The following HDAC7 variants were observed in gnomAD, a reference collection of about 807,000 sequenced individuals.
HDAC7 encodes histone deacetylase 7A.
In HDAC7, 26 loss-of-function variants were observed where a neutral mutation model predicts 115.5. The observed-to-expected ratio is 0.23, with a 90% CI of 0.16 to 0.31. The LOEUF is 0.31. Ranked by LOEUF, HDAC7 falls within the 10% of genes least tolerant of loss-of-function variation. The pLI, the probability that HDAC7 is intolerant of heterozygous loss-of-function variation, is 1.00. For missense variants in HDAC7, 1,068 were observed against 1,329.0 expected, an observed-to-expected ratio of 0.80 and a Z score of 3.05; for synonymous variants, 564 against 550.9, an observed-to-expected ratio of 1.02 and a Z score of -0.33.
Position 47,795,448 on chromosome 12 carries a change from G to C in HDAC7, c.1088-68C>G. On this transcript the variant is annotated intron_variant, in intron 10 of 25. Transcript: ENST00000080059. The surrounding 1 kb of genome is among the most constrained non-coding windows in gnomAD (Gnocchi z 4.3). ...AGCAATGGAAGGAAGCGAGGGTATA[G>C]GGTGGGGGGCCAGGGTGCAGCAGGG... The C allele has an allele frequency of 6.3e-6, 9 of 1,420,084 alleles. No individual in the cohort carries two copies. The highest frequency in any genetic ancestry group is 8.7e-6 in the Non-Finnish European group (9 of 1,030,268). The allele number at this position is 1,420,084 out of a possible 1,614,324, so 88.0% of individuals were successfully genotyped here. A position where few individuals can be genotyped will look rare whatever the true frequency, so the allele number is the denominator to read the frequency against.
At chr12:47,805,262 T>G (rs1199575320) in intron 1 of HDAC7, among the ~76,000 whole-genome samples, 3 of 151,666 alleles carry the variant, frequency 2.0e-5, no homozygotes, top group Non-Finnish European at 2.9e-5. Flanking sequence ...TTTTGTTGTT[T>G]TTTTTTTTGT....
Position 47,793,415 on chromosome 12 carries a change from G to C in HDAC7, c.1632C>G (p.Val544=), listed in dbSNP as rs1306168129. ...SAPEPASQAR[V]LSSSETPART... is the part of the protein sequence containing the mutation. ...TGGCAGGGGTCTCTGAGCTGGAGAG[G>C]ACTCGGGCCTGGCTGGCAGGCTCTG... Residue 544 remains valine (V), a synonymous_variant, in exon 13 of 26, where the codon GTC becomes GTG. Transcript: ENST00000080059. This position sits in a 1 kb window ranked among gnomAD's most constrained non-coding sequence, Gnocchi z 4.5. 1.3e-6 allele frequency: 2 copies of C among 1,561,948 alleles called. No individual in the cohort carries two copies. The highest frequency in any genetic ancestry group is 2.4e-5 in the South Asian group (2 of 85,058).
At chr12:47,816,226 C>T (rs752767029) in intron 1 of HDAC7, among the ~76,000 whole-genome samples, 80 of 152,170 alleles carry the variant, frequency 5.3e-4, no homozygotes, top group Non-Finnish European at 7.6e-4. Flanking sequence ...CCCCAGGTGA[C>T]TCTGAAGCAA....
chr12:47,808,803 C>T (rs1462642348), intron 1 of HDAC7, among the ~76,000 whole-genome samples: 1 of 152,164 alleles, frequency 6.6e-6, no homozygotes, highest in African/African-American at 2.4e-5. Flanking sequence ...TTAGGGAATT[C>T]CTGAGCCAGT....
At chr12:47,800,549 C>G (rs1490630982) in intron 2 of HDAC7, among the ~76,000 whole-genome samples, 1 of 152,192 alleles carries the variant, frequency 6.6e-6, no homozygotes, top group Non-Finnish European at 1.5e-5. Flanking sequence ...CTTTGATGCC[C>G]CACCCCTTGT....
In HDAC7 at chr12:47,819,779, T is replaced by C; in HGVS notation, c.7A>G (p.Ser3Gly). 1.3e-6 allele frequency: 1 copy of C among 762,644 alleles called. No homozygotes were observed. The highest frequency in any genetic ancestry group is 1.6e-6 in the Non-Finnish European group (1 of 627,884). The allele number at this position is 762,644 out of a possible 1,614,324, so 47.2% of individuals were successfully genotyped here. Residue 3 changes from serine (S) to glycine (G), a missense_variant, in exon 1 of 26, where the codon AGC becomes GGC. Ser to Gly is a moderately conservative substitution (Grantham distance 56). Around this residue, in one of 6 missense-constraint regions of HDAC7, gnomAD observed 161 missense variants for 158.5 expected, o/e 1.02. Coordinates refer to ENST00000080059, the MANE Select transcript of HDAC7 (RefSeq NM_015401.5). The part of the protein sequence containing the change: MH[S>G]PGADGTQVSP... ...GCCCAGTACTCACCAGCGCCGGGGC[T>C]GTGCATCCAGGGGCCGGGGCCCTCA...
At chr12:47,810,738 T>C (rs1944615792) in intron 1 of HDAC7, among the ~76,000 whole-genome samples, 1 of 151,372 alleles carries the variant, frequency 6.6e-6, no homozygotes, top group African/African-American at 2.4e-5. Flanking sequence ...AAAATGCGGG[T>C]TGCATAACCA....
Position 47,819,380 on chromosome 12 carries a change from GCCGTCCC to G in HDAC7, c.19+380_19+386del, listed in dbSNP as rs563420822. The G allele has an allele frequency of 3.5e-3, 540 of 153,124 alleles. 3 individuals carry two copies. The highest frequency in any genetic ancestry group is 0.013 in the African/African-American group (529 of 41,594). 9.5% of individuals were successfully genotyped at this position (153,124 alleles called of 1,614,324 possible). A position where few individuals can be genotyped will look rare whatever the true frequency, so the allele number is the denominator to read the frequency against. On this transcript the variant is annotated intron_variant, in intron 1 of 25. Coordinates refer to ENST00000080059, the MANE Select transcript of HDAC7 (RefSeq NM_015401.5). ...ACCGCCCCCTCGCCGGGCCACCGCG[GCCGTCCC>G]TCCCTCCCCGGTCCCTCGGCTCGTC...
chr12:47,792,183 A>C (rs1943569165), intron 13 of HDAC7, 179 bp from the exon 14 acceptor site: 1 of 643,408 alleles, frequency 1.6e-6, no homozygotes, highest in Non-Finnish European at 2.6e-6. Context: ...CCAGCCCCTC[A>C]CACCTGTCCA....
intron 1 of HDAC7, among the ~76,000 whole-genome samples, chr12:47,818,771 TC>T (rs1463477395): frequency 6.6e-6 from 1 of 152,144 alleles, no homozygotes; most frequent in Non-Finnish European, 1.5e-5. Flanking sequence ...ACAGCCAGTG[TC>T]CAGATGCAGG....
At chr12:47,814,286 G>C (rs1025670390) in intron 1 of HDAC7, among the ~76,000 whole-genome samples, 1 of 152,182 alleles carries the variant, frequency 6.6e-6, no homozygotes, top group African/African-American at 2.4e-5. Flanking sequence ...TTCCTTTCTG[G>C]TTCTGTCCTC....
Position 47,796,247 on chromosome 12 carries a change from T to C in HDAC7, c.755A>G (p.Asn252Ser), listed in dbSNP as rs138146204. 4.3e-5 allele frequency: 69 copies of C among 1,602,872 alleles called. No individual in the cohort carries two copies. The highest frequency in any genetic ancestry group is 6.8e-5 in the South Asian group (6 of 88,462). The part of the protein sequence containing the change: ...STPASGCSSP[N>S]DSEHGPNPIL... ...GGGATTGGGGCCGTGCTCGCTGTCA[T>C]TGGGGGAGCTGCACCCTGATGCGGG... is the stretch of plus-strand genomic sequence containing the variant. The change falls in exon 8 of 26, where the codon AAT becomes AGT. Residue 252 changes from asparagine (N) to serine (S), a missense_variant. Asn to Ser is a conservative substitution (Grantham distance 46). This residue lies in a region of HDAC7 where 618 missense variants were observed against 701.5 expected (regional missense o/e 0.88). Coordinates refer to ENST00000080059, the MANE Select transcript of HDAC7 (RefSeq NM_015401.5).
In HDAC7 at chr12:47,789,631, G is replaced by T. The variant is rs573168984; in HGVS notation, c.2092-53C>A. 3.3e-4 allele frequency: 516 copies of T among 1,584,934 alleles called. 2 individuals are homozygous for T. In the Middle Eastern group the frequency reaches 4.0e-3, roughly 12 times the overall value. ...CAACAGACAGCTCTGACCCACAGCT[G>T]CATGAACGTACCCCAAGAGTTCCAA... On this transcript the variant is annotated intron_variant, in intron 17 of 25. Transcript: ENST00000080059.
chr12:47,809,536 G>A (rs770612300), intron 1 of HDAC7, among the ~76,000 whole-genome samples: 8 of 151,974 alleles, frequency 5.3e-5, no homozygotes, highest in South Asian at 2.1e-4. Context: ...CATTTTTGGC[G>A]GGGGGAGGGC....
chr12:47,794,452 G>A (rs1943695900), intron 12 of HDAC7, among the ~76,000 whole-genome samples: 1 of 152,230 alleles, frequency 6.6e-6, no homozygotes, highest in Non-Finnish European at 1.5e-5. Flanking sequence ...TCTGGATAGA[G>A]GGGAGACATA....
chr12:47,793,822 C>T lies in HDAC7; in HGVS notation c.1459-234G>A, dbSNP rs1177458509. Among the ~76,000 whole-genome samples the T allele has an allele frequency of 6.6e-6, 1 of 152,192 alleles. No individual in the cohort carries two copies. Among genetic ancestry groups the T allele is most frequent in the East Asian group, 1.9e-4 (1 of 5,196 alleles). On this transcript the variant is annotated intron_variant, in intron 12 of 25. Transcript: ENST00000080059. The surrounding 1 kb of genome is among the most constrained non-coding windows in gnomAD (Gnocchi z 4.5). ...CCACCCATTCCACCAGCTCCCCGGGCCCTTGGGGCTCCAAAGCCAGGAACC... is the reference window on the plus strand; with the variant it reads ...CCACCCATTCCACCAGCTCCCCGGGTCCTTGGGGCTCCAAAGCCAGGAACC...
In HDAC7 at chr12:47,787,784, A is replaced by G; in HGVS notation, c.2381T>C (p.Phe794Ser). 6.2e-7 allele frequency: 1 copy of G among 1,613,008 alleles called. No homozygotes were observed. The change falls in exon 21 of 26, where the codon TTC becomes TCC. Residue 794 changes from phenylalanine to serine, a missense_variant. This residue lies in a region of HDAC7 where 182 missense variants were observed against 301.1 expected (regional missense o/e 0.60). Transcript: ENST00000080059. ...DEVGAGSGEGFNVNVAWAGGL... is the reference protein window; with the variant it reads ...DEVGAGSGEGSNVNVAWAGGL... The stretch of plus-strand genomic sequence containing the variant: ...TCCAGCCCAGGCCACATTGACATTG[A>G]AGCCCTCACCGCTGCCAGCCCCTAC...
At chr12:47,811,576 G>A (rs1187853959) in intron 1 of HDAC7, among the ~76,000 whole-genome samples, 6 of 152,194 alleles carry the variant, frequency 3.9e-5, no homozygotes, top group Non-Finnish European at 7.3e-5. Flanking sequence ...TGACTGATGC[G>A]TCTGTGATGT....
At chr12:47,815,472 GA>G (rs1944824426) in intron 1 of HDAC7, among the ~76,000 whole-genome samples, 2 of 152,268 alleles carry the variant, frequency 1.3e-5, no homozygotes, top group Non-Finnish European at 2.9e-5. Context: ...TTCCTCAAAA[GA>G]AAAAATGAAG....
Sources: allele counts gnomAD v4.1 joint callset (sites outside exome capture counted in the v4.1 genomes callset), GRCh38; gene constraint gnomAD v4.1.1; regional missense constraint gnomAD v4.1.1; non-coding constraint Gnocchi (gnomAD v3.1); transcripts MANE v1.5; gene names NCBI Gene and HGNC (gene_info 2026-07-23, HGNC 2026-07-21).